CCT6A: variants seen among roughly 807,000 people sequenced by gnomAD.
The protein encoded by CCT6A is T-complex protein 1 subunit zeta.
Under a neutral mutation model 58.6 loss-of-function variants are expected in CCT6A, and 6 were observed. The observed-to-expected ratio is 0.10, with a 90% CI of 0.06 to 0.20. The LOEUF (loss-of-function observed/expected upper bound fraction) is 0.20. CCT6A is among the 10% of genes least tolerant of loss of function. The pLI is 1.00. For synonymous variants in CCT6A, 245 were observed against 227.8 expected (o/e 1.08, Z -0.68); for missense variants, 516 against 648.8 (o/e 0.80, Z 2.22).
intron 7 of CCT6A, 43 bp downstream of exon 7, chr7:56,058,564 A>G (rs752238728): frequency 1.3e-6 from 2 of 1,573,824 alleles, no homozygotes; most frequent in South Asian, 2.3e-5. Context: ...AGTACGTATC[A>G]TCCTTTTTAC....
At chr7:56,054,122 ACTT>A (rs544896999) in intron 2 of CCT6A, among the ~76,000 whole-genome samples, 23 of 152,290 alleles carry the variant, frequency 1.5e-4, no homozygotes, top group Admixed American at 9.2e-4. Context: ...TCTTGAGTAA[ACTT>A]CTACTGAGCC....
At position 56,051,831 on chromosome 7, in the gene CCT6A, TC is replaced by T. The variant is rs1159324645; in HGVS notation, c.-16del. 6.4e-7 allele frequency: 1 copy of T among 1,552,110 alleles called. No homozygotes were observed. Among genetic ancestry groups the T allele is most frequent in the East Asian group, 2.5e-5 (1 of 40,772 alleles). ...CTGGGCACTCAGCATCGTTTCCTTT[TC>T]CTCCGCTGGAGCAGCTATGGCGGCG... On this transcript the variant is annotated 5_prime_UTR_variant, in exon 1 of 14. Coordinates refer to ENST00000275603, the MANE Select transcript of CCT6A (RefSeq NM_001762.4).
intron 13 of CCT6A, 50 bp from the exon 14 acceptor site, chr7:56,062,963 A>G: frequency 7.0e-7 from 1 of 1,428,898 alleles, no homozygotes; most frequent in African/African-American, 1.4e-5. Flanking sequence ...AGTTGAGTCG[A>G]ATTAGGGCTC....
At chr7:56,056,985 C>T (rs1351725890) in intron 5 of CCT6A, among the ~76,000 whole-genome samples, 12 of 151,866 alleles carry the variant, frequency 7.9e-5, no homozygotes, top group African/African-American at 1.7e-4. Context: ...TTAGTAGAGA[C>T]GGGGTTTCAC....
chr7:56,054,339 T>G, intron 2 of CCT6A, 30 bp from the exon 3 acceptor site: 2 of 1,577,146 alleles, frequency 1.3e-6, no homozygotes, highest in East Asian at 2.2e-5. Flanking sequence ...TCATATTGTT[T>G]TAAGTGATTC....
At position 56,058,708 on chromosome 7, in the gene CCT6A, C is replaced by T. The variant is rs758163753; in HGVS notation, c.968+6C>T. ...AAAAGGAGAAATATGGAGAGGTATC[C>T]GAGTAATTTGACTTTTACTCATTTT... On this transcript the variant is annotated splice_donor_region_variant and intron_variant, in intron 8 of 13. Coordinates refer to ENST00000275603, the MANE Select transcript of CCT6A (RefSeq NM_001762.4). The T allele has an allele frequency of 1.2e-5, 18 of 1,495,380 alleles. No homozygotes were observed. The highest frequency in any genetic ancestry group is 9.1e-5 in the East Asian group (4 of 44,010). The allele number at this position is 1,495,380 out of a possible 1,614,324, so 92.6% of individuals were successfully genotyped here.
chr7:56,061,375 T>G (rs1399484078), intron 11 of CCT6A, among the ~76,000 whole-genome samples: 9 of 60,456 alleles, frequency 1.5e-4, no homozygotes, highest in Admixed American at 6.1e-4. Context: ...TGCAATGAGT[T>G]TTTTTTTTTT....
At chr7:56,062,987 C>G in intron 13 of CCT6A, 26 bp from the exon 14 acceptor site, 1 of 1,563,322 alleles carries the variant, frequency 6.4e-7, no homozygotes, top group Non-Finnish European at 8.8e-7. Context: ...ATCATCTGAG[C>G]CATCTTATTT....
Position 56,063,925 on chromosome 7 carries a change from CTG to C in CCT6A, c.*844_*845del, listed in dbSNP as rs1794549620. ...GAAGGTGAAGTTGTGTGTTACTAGG[CTG>C]TGTTTTGGGATGTCAGCAGTGGCCT... is the stretch of plus-strand genomic sequence containing the variant. On this transcript the variant is annotated 3_prime_UTR_variant, in exon 14 of 14. Transcript: ENST00000275603. 5.8e-6 allele frequency: 2 copies of C among 341,982 alleles called. No homozygotes were observed. Among genetic ancestry groups the C allele is most frequent in the Non-Finnish European group, 1.1e-5 (2 of 187,422 alleles). 21.2% of individuals were successfully genotyped at this position (341,982 alleles called of 1,614,324 possible).
chr7:56,062,960 T>C, intron 13 of CCT6A, 53 bp from the exon 14 acceptor site: 1 of 1,411,402 alleles, frequency 7.1e-7, no homozygotes, highest in Non-Finnish European at 1.0e-6. Flanking sequence ...GGAAGTTGAG[T>C]CGAATTAGGG....
At chr7:56,056,235 A>G (rs1288458368) in intron 4 of CCT6A, 76 bp from the exon 5 acceptor site, 5 of 808,242 alleles carry the variant, frequency 6.2e-6, no homozygotes, top group East Asian at 2.4e-5. Context: ...GAAACTGCCT[A>G]CTTTAGCCTT....
In CCT6A at chr7:56,061,798, C is replaced by G. The variant is rs766956677; in HGVS notation, c.1399C>G (p.Gln467Glu). 1.3e-6 allele frequency: 2 copies of G among 1,549,910 alleles called. No individual in the cohort carries two copies. The highest frequency in any genetic ancestry group is 1.4e-5 in the African/African-American group (1 of 69,960). The change falls in exon 12 of 14, where the codon CAA (glutamine) becomes GAA (glutamate). Residue 467 changes from glutamine to glutamate, a missense_variant. By Grantham distance (29) the Gln-to-Glu change is conservative. Transcript: ENST00000275603. Reference sequence around the variant, plus strand: ...CCTTCAGGAAACATTAGTTAAAATTCAAGCAGAACATTCAGAATCAGGTCA... The same window carrying G: ...CCTTCAGGAAACATTAGTTAAAATTGAAGCAGAACATTCAGAATCAGGTCA... ...FDLQETLVKI[Q>E]AEHSESGQLV... is the part of the protein sequence containing the mutation.
In CCT6A at chr7:56,058,118, C is replaced by T; in HGVS notation, c.725+15C>T. ...TATGAGAAAACGTAAGTTTATAGCCCCTTAACAGTGAAATGGAGAAGCTTC... is the reference window on the plus strand; with the variant it reads ...TATGAGAAAACGTAAGTTTATAGCCTCTTAACAGTGAAATGGAGAAGCTTC... On this transcript the variant is annotated intron_variant, in intron 6 of 13. Transcript: ENST00000275603. 1.7e-5 allele frequency: 23 copies of T among 1,373,184 alleles called. No homozygotes were observed. The highest frequency in any genetic ancestry group is 2.4e-5 in the Non-Finnish European group (23 of 967,112). 85.1% of individuals were successfully genotyped at this position (1,373,184 alleles called of 1,614,324 possible).
chr7:56,058,782 T>G, intron 8 of CCT6A, 80 bp downstream of exon 8: 1 of 861,688 alleles, frequency 1.2e-6, no homozygotes, highest in Non-Finnish European at 1.9e-6. Context: ...ATTTTTGGGT[T>G]TTTCAACTGT....
intron 1 of CCT6A, 92 bp downstream of exon 1, chr7:56,052,077 C>A: frequency 9.0e-7 from 1 of 1,105,174 alleles, no homozygotes; most frequent in Non-Finnish European, 1.2e-6. Flanking sequence ...CCCGCCGCCT[C>A]GGGGCTGCGC....
At chr7:56,059,915 T>A (rs1043287430) in intron 9 of CCT6A, 2 of 409,780 alleles carry the variant, frequency 4.9e-6, no homozygotes, top group African/African-American at 4.1e-5. Flanking sequence ...TTGCCCAGGC[T>A]GGTCTTAAAC....
In CCT6A at chr7:56,058,390, A is replaced by G; in HGVS notation, c.754A>G (p.Ser252Gly). Residue 252 changes from serine to glycine, a missense_variant, in exon 7 of 14, where the codon AGT (serine) becomes GGT (glycine). Ser to Gly is a moderately conservative substitution (Grantham distance 56). Coordinates refer to ENST00000275603, the MANE Select transcript of CCT6A (RefSeq NM_001762.4). ...TEVNSGFFYK[S>G]AEEREKLVKA... ...AGTGAATTCTGGCTTTTTTTACAAG[A>G]GTGCAGAAGAGAGAGAAAAACTCGT... The G allele has an allele frequency of 6.3e-7, 1 of 1,577,432 alleles. No individual in the cohort carries two copies. The highest frequency in any genetic ancestry group is 8.5e-7 in the Non-Finnish European group (1 of 1,169,778).
At chr7:56,054,816 A>G (rs1023746340) in intron 3 of CCT6A, among the ~76,000 whole-genome samples, 3 of 152,250 alleles carry the variant, frequency 2.0e-5, no homozygotes, top group Non-Finnish European at 4.4e-5. Context: ...AAAGGCAACC[A>G]AAAGCTTATA....
At chr7:56,062,340 G>T (rs2117351639) in intron 12 of CCT6A, among the ~76,000 whole-genome samples, 1 of 152,266 alleles carries the variant, frequency 6.6e-6, no homozygotes, top group African/African-American at 2.4e-5. Context: ...TGCAGTATGT[G>T]CAAGACCTAT....
Sources: gnomAD v4.1 joint callset for allele counts (sites outside exome capture counted in the v4.1 genomes callset) on GRCh38, gnomAD v4.1.1 for gene constraint, MANE v1.5 for transcripts, NCBI Gene and HGNC (gene_info 2026-07-23, HGNC 2026-07-21) for gene names.